The following CAMKMT variants were observed in gnomAD, a reference collection of about 807,000 sequenced individuals.
CAMKMT encodes calmodulin-lysine N-methyltransferase.
CAMKMT carries 53 observed loss-of-function variants against 48.0 expected under a neutral mutation model. The observed-to-expected ratio is 1.10, with a 90% CI of 0.89 to 1.39. The LOEUF (loss-of-function observed/expected upper bound fraction) is 1.39. Among genes scored for constraint, CAMKMT ranks in the 40% most tolerant of loss-of-function variants. CAMKMT has a pLI of 0.00. For synonymous variants in CAMKMT, 165 were observed against 152.3 expected (o/e 1.08, Z -0.61); for missense variants, 428 against 402.7 (o/e 1.06, Z -0.54).
At chr2:44,581,002 T>G (rs1386323885) in intron 3 of CAMKMT, among the ~76,000 whole-genome samples, 1 of 152,126 alleles carries the variant, frequency 6.6e-6, no homozygotes, top group Non-Finnish European at 1.5e-5. Context: ...ATTACTCATT[T>G]CAGTGACCCT....
intron 3 of CAMKMT, among the ~76,000 whole-genome samples, chr2:44,679,260 G>C (rs989045600): frequency 2.0e-5 from 3 of 152,078 alleles, no homozygotes; most frequent in African/African-American, 7.2e-5. Flanking sequence ...TCAATATAGT[G>C]ATATTAAATT....
At chr2:44,447,758 C>T (rs1318612104) in intron 3 of CAMKMT, among the ~76,000 whole-genome samples, 3 of 152,180 alleles carry the variant, frequency 2.0e-5, no homozygotes, top group African/African-American at 7.2e-5. Context: ...AAGTATAATC[C>T]TTCTGTAGGT....
At chr2:44,510,612 C>G (rs2104767014) in intron 3 of CAMKMT, among the ~76,000 whole-genome samples, 2 of 152,316 alleles carry the variant, frequency 1.3e-5, no homozygotes. Flanking sequence ...TACTTTCCCT[C>G]TCAGATTTTA....
chr2:44,512,910 CT>C (rs1670641249), intron 3 of CAMKMT, among the ~76,000 whole-genome samples: 1 of 152,074 alleles, frequency 6.6e-6, no homozygotes, highest in Non-Finnish European at 1.5e-5. Flanking sequence ...ATGATGTATG[CT>C]GTCCCCCATC....
chr2:44,605,525 G>C (rs1165665779), intron 3 of CAMKMT, among the ~76,000 whole-genome samples: 2 of 152,014 alleles, frequency 1.3e-5, no homozygotes, highest in Non-Finnish European at 2.9e-5. Context: ...CATACATAAA[G>C]TAATGAGAAT....
At chr2:44,485,014 A>G (rs2104694276) in intron 3 of CAMKMT, among the ~76,000 whole-genome samples, 1 of 152,336 alleles carries the variant, frequency 6.6e-6, no homozygotes, top group African/African-American at 2.4e-5. Flanking sequence ...AAACCAAAAT[A>G]AGATACCAAC....
rs77838706 is a variant in CAMKMT at position 44,365,129 on chromosome 2, A to C, written c.138+2984A>C. 2.0e-5 allele frequency among the ~76,000 whole-genome samples: 3 copies of C among 152,324 alleles called. No homozygotes were observed. In the East Asian group the frequency reaches 5.8e-4, roughly 29 times the overall value. On this transcript the variant is annotated intron_variant, in intron 1 of 10. Coordinates refer to ENST00000378494, the MANE Select transcript of CAMKMT (RefSeq NM_024766.5). ...TATATGCATCTAGTACTGGAAAACT[A>C]TAAGGAATCTAAGCAGTGCTAGAGA...
At chr2:44,389,122 T>C (rs1383182529) in intron 2 of CAMKMT, among the ~76,000 whole-genome samples, 1 of 151,988 alleles carries the variant, frequency 6.6e-6, no homozygotes, top group Non-Finnish European at 1.5e-5. Flanking sequence ...GGAAGGACCA[T>C]CATGTAGGGG....
intron 3 of CAMKMT, among the ~76,000 whole-genome samples, chr2:44,633,591 TAA>T (rs764869594): frequency 1.3e-5 from 2 of 152,188 alleles, no homozygotes; most frequent in Admixed American, 6.5e-5. Context: ...TTTTTTACTC[TAA>T]GAGTTCATTT....
intron 3 of CAMKMT, among the ~76,000 whole-genome samples, chr2:44,456,051 A>G (rs1439854061): frequency 6.6e-6 from 1 of 152,186 alleles, no homozygotes; most frequent in Non-Finnish European, 1.5e-5. Flanking sequence ...AGGATAGGGA[A>G]CATGCTGTAT....
intron 3 of CAMKMT, among the ~76,000 whole-genome samples, chr2:44,645,458 G>A (rs146557627): frequency 1.1e-4 from 17 of 152,184 alleles, no homozygotes; most frequent in African/African-American, 4.1e-4. Context: ...GTTTTGGAGA[G>A]GTTTTAGAAT....
At chr2:44,726,805 G>C (rs1214389247) in intron 7 of CAMKMT, among the ~76,000 whole-genome samples, 1 of 152,192 alleles carries the variant, frequency 6.6e-6, no homozygotes, top group African/African-American at 2.4e-5. Flanking sequence ...TATGGCAATA[G>C]GTAGGGGTCC....
intron 7 of CAMKMT, among the ~76,000 whole-genome samples, chr2:44,740,215 A>T (rs1436331950): frequency 6.8e-6 from 1 of 146,636 alleles, no homozygotes; most frequent in Non-Finnish European, 1.5e-5. Flanking sequence ...TGCAGCCTTG[A>T]CTTCCTGGGC....
Position 44,607,646 on chromosome 2 carries a change from G to A in CAMKMT, c.377-96637G>A, listed in dbSNP as rs973182364. ...TGTACCATAATGAAAACCAAAATAG[G>A]TAAACACTTGGTTACAGTGATTTAA... On this transcript the variant is annotated intron_variant, in intron 3 of 10. Transcript: ENST00000378494. Among the ~76,000 whole-genome samples the A allele has an allele frequency of 4.6e-5, 7 of 152,194 alleles. No individual in the cohort carries two copies. In the South Asian group the frequency reaches 1.2e-3, roughly 27 times the overall value.
intron 3 of CAMKMT, among the ~76,000 whole-genome samples, chr2:44,467,498 C>T (rs1490712142): frequency 6.6e-6 from 1 of 151,116 alleles, no homozygotes; most frequent in Non-Finnish European, 1.5e-5. Context: ...GTGATTGCAC[C>T]ACTGCACTCC....
chr2:44,466,993 G>T (rs1439640693), intron 3 of CAMKMT, among the ~76,000 whole-genome samples: 1 of 152,222 alleles, frequency 6.6e-6, no homozygotes. Context: ...GCTCACACCT[G>T]TAATCCCAGC....
At chr2:44,540,225 A>G (rs1667023493) in intron 3 of CAMKMT, among the ~76,000 whole-genome samples, 1 of 151,960 alleles carries the variant, frequency 6.6e-6, no homozygotes, top group Non-Finnish European at 1.5e-5. Flanking sequence ...AGTGGATTAA[A>G]ATCTTTGCTT....
intron 3 of CAMKMT, among the ~76,000 whole-genome samples, chr2:44,558,471 C>G (rs1334074875): frequency 6.6e-6 from 1 of 152,088 alleles, no homozygotes; most frequent in Non-Finnish European, 1.5e-5. Flanking sequence ...GTTGTATCCT[C>G]AAAAGATAGT....
intron 3 of CAMKMT, among the ~76,000 whole-genome samples, chr2:44,650,811 T>G (rs1424028955): frequency 6.6e-6 from 1 of 150,904 alleles, no homozygotes; most frequent in Non-Finnish European, 1.5e-5. Flanking sequence ...AAAAGATTCA[T>G]AAGTCCTAAC....
Sources: gnomAD v4.1 joint callset for allele counts (sites outside exome capture counted in the v4.1 genomes callset) on GRCh38, gnomAD v4.1.1 for gene constraint, MANE v1.5 for transcripts, NCBI Gene and HGNC (gene_info 2026-07-23, HGNC 2026-07-21) for gene names.